The following CPEB2 variants were observed in gnomAD, a reference collection of about 807,000 sequenced individuals.
CPEB2 encodes the protein cytoplasmic polyadenylation element binding protein 2.
Under a neutral mutation model 93.6 loss-of-function variants are expected in CPEB2, and 56 were observed. That is an observed-to-expected ratio of 0.60 (90% CI 0.48 to 0.75). The LOEUF (loss-of-function observed/expected upper bound fraction) is 0.75, where lower values mean the gene tolerates loss of function less well. Ranked by LOEUF, CPEB2 falls within the 30% of genes least tolerant of loss-of-function variation. CPEB2 has a pLI of 0.00. For missense variants in CPEB2, 1,579 were observed against 1,395.1 expected (o/e 1.13, Z -2.10); for synonymous variants, 764 against 586.3 (o/e 1.30, Z -4.38).
In CPEB2 at chr4:15,007,316, A is replaced by G; in HGVS notation, c.1674A>G (p.Lys558=). Residue 558 remains lysine, a synonymous_variant, in exon 2 of 12, where the codon AAA becomes AAG. Coordinates refer to ENST00000538197, the MANE Select transcript of CPEB2 (RefSeq NM_001177382.2). ...NSYNHHQPLL[K]QSPWSNHQSS... is the part of the protein sequence containing the mutation. ...TATGTTTTCCCTAGCCTCTTCTGAA[A>G]CAGTCTCCCTGGAGCAACCATCAGA... 1 of 1,494,218 alleles carries G rather than the reference A, an allele frequency of 6.7e-7. No individual in the cohort carries two copies. Among genetic ancestry groups the G allele is most frequent in the Non-Finnish European group, 9.0e-7 (1 of 1,112,924 alleles). The allele number at this position is 1,494,218 out of a possible 1,614,324, so 92.6% of individuals were successfully genotyped here. A position where few individuals can be genotyped will look rare whatever the true frequency, so the allele number is the denominator to read the frequency against.
In CPEB2 at chr4:15,003,925, C is replaced by T. The variant is rs1405742698; in HGVS notation, c.1252C>T (p.Gln418Ter). The change falls in exon 1 of 12, where the codon CAG (glutamine) becomes TAG (stop). Residue 418 changes from glutamine (Q) to a stop codon, truncating the protein, a stop_gained. Transcript: ENST00000538197. LOFTEE classifies it high-confidence loss of function. The part of the protein sequence containing the change: ...PPQQPPQPQP[Q>*]PPGSSATTPG... Reference sequence around the variant, plus strand: ...CCAGCAGCCGCCCCAGCCGCAGCCGCAGCCGCCCGGCTCGTCTGCCACCAC... The same window carrying T: ...CCAGCAGCCGCCCCAGCCGCAGCCGTAGCCGCCCGGCTCGTCTGCCACCAC... The T allele has an allele frequency of 1.8e-6, 2 of 1,095,278 alleles. No homozygotes were observed. The highest frequency in any genetic ancestry group is 2.4e-6 in the Non-Finnish European group (2 of 849,998). The allele number at this position is 1,095,278 out of a possible 1,614,324, so 67.8% of individuals were successfully genotyped here.
intron 3 of CPEB2, among the ~76,000 whole-genome samples, chr4:15,012,951 T>TTA (rs1008094249): frequency 2.0e-5 from 3 of 151,772 alleles, no homozygotes; most frequent in African/African-American, 7.3e-5. Flanking sequence ...AAAAAATTAA[T>TTA]ATCTCTTCAA....
intron 5 of CPEB2, among the ~76,000 whole-genome samples, chr4:15,034,549 T>A (rs1204803001): frequency 6.6e-6 from 1 of 152,130 alleles, no homozygotes; most frequent in Non-Finnish European, 1.5e-5. Context: ...GGGGCCACAA[T>A]GCATACTCAG....
chr4:15,066,263 G>A lies in CPEB2; in HGVS notation c.2988G>A (p.Gln996=), dbSNP rs1306566207. ...TTTGTGCCAATGTCACTTGCCTGCA[G>A]TATTACTGTGAGTTTTGTTGGGCAA... ...PFFCANVTCL[Q]YYCEFCWANI... Residue 996 remains glutamine, a synonymous_variant, in exon 12 of 12, where the codon CAG becomes CAA. Coordinates refer to ENST00000538197, the MANE Select transcript of CPEB2 (RefSeq NM_001177382.2). The A allele has an allele frequency of 2.5e-6, 4 of 1,613,424 alleles. No individual in the cohort carries two copies. The highest frequency in any genetic ancestry group is 3.3e-5 in the Admixed American group (2 of 59,922).
intron 3 of CPEB2, among the ~76,000 whole-genome samples, chr4:15,014,582 TGTTCC>T (rs1302512946): frequency 6.6e-6 from 1 of 152,072 alleles, no homozygotes; most frequent in Non-Finnish European, 1.5e-5. Context: ...TTTGACTACC[TGTTCC>T]GTTGAGGATT....
intron 4 of CPEB2, among the ~76,000 whole-genome samples, chr4:15,028,203 ATAGTT>A (rs1051584139): frequency 6.6e-6 from 1 of 152,138 alleles, no homozygotes; most frequent in Non-Finnish European, 1.5e-5. Flanking sequence ...TAAAGAAAAA[ATAGTT>A]TAGAGAAGGG....
In CPEB2 at chr4:15,040,449, T is replaced by G. The variant is rs1321765431; in HGVS notation, c.2177-15T>G. 2.0e-6 allele frequency: 3 copies of G among 1,535,946 alleles called. No homozygotes were observed. Among genetic ancestry groups the G allele is most frequent in the Non-Finnish European group, 2.6e-6 (3 of 1,146,578 alleles). On this transcript the variant is annotated splice_polypyrimidine_tract_variant and intron_variant, in intron 5 of 11. Coordinates refer to ENST00000538197, the MANE Select transcript of CPEB2 (RefSeq NM_001177382.2). Reference sequence around the variant, plus strand: ...AGTTCTGACATTTTACAATTTGTGCTTTGTTTACATGCAGCAAGGAGTTAT... The same window carrying G: ...AGTTCTGACATTTTACAATTTGTGCGTTGTTTACATGCAGCAAGGAGTTAT...
At chr4:15,004,984 A>G (rs182611723) in intron 1 of CPEB2, 75 of 152,096 alleles carry the variant, frequency 4.9e-4, no homozygotes, top group African/African-American at 1.7e-3. Context: ...TCTCGCCTTG[A>G]AGCCTCAGCC....
At position 15,052,561 on chromosome 4, in the gene CPEB2, G is replaced by A; in HGVS notation, c.2348G>A (p.Gly783Asp). The part of the protein sequence containing the change: ...ERFSRKVFVG[G>D]LPPDIDEDEI... ...TTCTCTCGAAAAGTTTTTGTTGGTG[G>A]TCTTCCTCCAGATATTGATGAAGGT... The change falls in exon 7 of 12, where the codon GGT becomes GAT. Residue 783 changes from glycine (G) to aspartate (D), a missense_variant. By Grantham distance (94) the Gly-to-Asp change is moderately conservative. Coordinates refer to ENST00000538197, the MANE Select transcript of CPEB2 (RefSeq NM_001177382.2). 1 of 1,543,068 alleles carries A rather than the reference G, an allele frequency of 6.5e-7. No individual in the cohort carries two copies. Among genetic ancestry groups the A allele is most frequent in the South Asian group, 1.2e-5 (1 of 81,472 alleles).
At position 15,014,832 on chromosome 4, in the gene CPEB2, A is replaced by G. The variant is rs151015333; in HGVS notation, c.2035-2356A>G. Among the ~76,000 whole-genome samples the G allele has an allele frequency of 4.2e-3, 633 of 152,222 alleles. 5 individuals carry two copies. The highest frequency in any genetic ancestry group is 0.014 in the African/African-American group (593 of 41,576). On this transcript the variant is annotated intron_variant, in intron 3 of 11. Transcript: ENST00000538197. ...AAATCAACAAATTAGTTATGAACAC[A>G]GTATAGTGGAAGCACAGGGAAGATG...
chr4:15,038,068 C>T (rs1471135142), intron 5 of CPEB2, among the ~76,000 whole-genome samples: 3 of 152,178 alleles, frequency 2.0e-5, no homozygotes, highest in African/African-American at 4.8e-5. Context: ...GGTTTAGCTT[C>T]ATCTGTAGTC....
chr4:15,011,101 C>CTTTTTTT (rs201436379), intron 3 of CPEB2, among the ~76,000 whole-genome samples: 86 of 125,756 alleles, frequency 6.8e-4, no homozygotes, highest in Non-Finnish European at 1.1e-3. Flanking sequence ...AATTTCTTTT[C>CTTTTTTT]TTTTTTTTTT....
chr4:15,022,495 C>A (rs192694148), intron 4 of CPEB2, among the ~76,000 whole-genome samples: 7 of 151,950 alleles, frequency 4.6e-5, no homozygotes, highest in Admixed American at 6.6e-5. Flanking sequence ...AGATACATAT[C>A]TATGTATCTA....
chr4:15,016,605 A>G (rs1400801937), intron 3 of CPEB2, among the ~76,000 whole-genome samples: 2 of 151,958 alleles, frequency 1.3e-5, no homozygotes, highest in East Asian at 1.9e-4. Flanking sequence ...AGAGAGTAAT[A>G]TATGAATCTG....
intron 11 of CPEB2, among the ~76,000 whole-genome samples, chr4:15,064,834 A>T (rs11930939): frequency 6.6e-6 from 1 of 152,072 alleles, no homozygotes; most frequent in Non-Finnish European, 1.5e-5. Flanking sequence ...AAAAGTTGAG[A>T]GATAAAAATT....
At chr4:15,036,174 TA>T (rs528030850) in intron 5 of CPEB2, among the ~76,000 whole-genome samples, 223 of 152,214 alleles carry the variant, frequency 1.5e-3, no homozygotes, top group African/African-American at 5.1e-3. Flanking sequence ...ATATATTTTT[TA>T]AAAAAGAGGT....
chr4:15,057,891 C>T (rs1408047002), intron 8 of CPEB2, among the ~76,000 whole-genome samples: 1 of 152,132 alleles, frequency 6.6e-6, no homozygotes, highest in Non-Finnish European at 1.5e-5. Context: ...TAGGGGATTT[C>T]CTGGACCTTT....
chr4:15,026,870 A>G (rs928214389), intron 4 of CPEB2, among the ~76,000 whole-genome samples: 2 of 152,156 alleles, frequency 1.3e-5, no homozygotes, highest in African/African-American at 2.4e-5. Context: ...CAAACTTCAT[A>G]TGCTTGTTTC....
intron 11 of CPEB2, among the ~76,000 whole-genome samples, chr4:15,065,886 C>T (rs1729660508): frequency 6.6e-6 from 1 of 152,038 alleles, no homozygotes; most frequent in African/African-American, 2.4e-5. Context: ...CACTCATAAT[C>T]TCCCCTAACT....
Sources: gnomAD v4.1 joint callset for allele counts (sites outside exome capture counted in the v4.1 genomes callset) on GRCh38, gnomAD v4.1.1 for gene constraint, MANE v1.5 for transcripts, NCBI Gene and HGNC (gene_info 2026-07-23, HGNC 2026-07-21) for gene names.